PPA2: variants seen among roughly 807,000 people sequenced by gnomAD.
PPA2 encodes inorganic pyrophosphatase 2, mitochondrial.
PPA2 carries 48 observed loss-of-function variants against 49.5 expected under a neutral mutation model. That is an observed-to-expected ratio of 0.97 (90% CI 0.77 to 1.23). The LOEUF is 1.23. PPA2 is among the 50% of genes most tolerant of loss of function. The pLI, the probability that PPA2 is intolerant of heterozygous loss-of-function variation, is 0.00. For missense variants in PPA2, 429 were observed against 410.1 expected, an observed-to-expected ratio of 1.05 and a Z score of -0.40; for synonymous variants, 131 against 139.9, an observed-to-expected ratio of 0.94 and a Z score of 0.45.
rs1250196828 is a variant in PPA2, at chr4:105,376,466, A to C, written c.940-5593T>G. 2.0e-5 allele frequency among the ~76,000 whole-genome samples: 3 copies of C among 152,302 alleles called. No homozygotes were observed. The East Asian group carries it at 5.8e-4, about 29-fold the overall frequency. On this transcript the variant is annotated intron_variant, in intron 10 of 11. Coordinates refer to ENST00000341695, the MANE Select transcript of PPA2 (RefSeq NM_176869.3). ...TCCATTTAGCATCCTATGTACCATC[A>C]TCACTATCATCTCTGAGTCTTGTGT...
At chr4:105,420,832 G>A (rs1335728183) in intron 7 of PPA2, among the ~76,000 whole-genome samples, 1 of 152,166 alleles carries the variant, frequency 6.6e-6, no homozygotes, top group African/African-American at 2.4e-5. Context: ...AGGAGGTTCA[G>A]AGAACAGTCT....
intron 6 of PPA2, among the ~76,000 whole-genome samples, chr4:105,435,714 C>A (rs1050342063): frequency 6.6e-6 from 1 of 152,128 alleles, no homozygotes; most frequent in Admixed American, 6.5e-5. Flanking sequence ...ACCACATGAT[C>A]ATCTCAATAG....
intron 7 of PPA2, among the ~76,000 whole-genome samples, chr4:105,412,095 T>G (rs989456509): frequency 1.3e-5 from 2 of 152,156 alleles, no homozygotes; most frequent in Non-Finnish European, 2.9e-5. Flanking sequence ...AAAGCTACTT[T>G]AAAGTTCATA....
intron 5 of PPA2, among the ~76,000 whole-genome samples, chr4:105,438,671 T>C (rs191265326): frequency 3.7e-4 from 57 of 152,324 alleles, no homozygotes; most frequent in South Asian, 2.9e-3. Context: ...GGAATTTTTA[T>C]AAATGAAGAC....
At chr4:105,448,993 C>T (rs1437458914) in intron 4 of PPA2, among the ~76,000 whole-genome samples, 3 of 125,752 alleles carry the variant, frequency 2.4e-5, no homozygotes, top group Non-Finnish European at 3.2e-5. Flanking sequence ...CCGAGGCGGG[C>T]GGATCACGAG....
intron 3 of PPA2, among the ~76,000 whole-genome samples, chr4:105,450,859 G>A (rs947375059): frequency 5.9e-5 from 9 of 151,992 alleles, no homozygotes; most frequent in East Asian, 5.8e-4. Context: ...CGCCCACCTC[G>A]GCCTCCCAAA....
chr4:105,410,099 G>A (rs180909121), intron 7 of PPA2, among the ~76,000 whole-genome samples: 6 of 152,308 alleles, frequency 3.9e-5, no homozygotes, highest in African/African-American at 1.2e-4. Context: ...CAGAAGGTCA[G>A]TAACAACAAA....
chr4:105,387,776 G>GA (rs398107774), intron 9 of PPA2, among the ~76,000 whole-genome samples: 3 of 150,978 alleles, frequency 2.0e-5, no homozygotes, highest in East Asian at 3.9e-4. Flanking sequence ...AGTTGAGGGG[G>GA]AAAAAAAAGA....
intron 9 of PPA2, among the ~76,000 whole-genome samples, chr4:105,387,376 T>A (rs1046372559): frequency 2.0e-5 from 3 of 152,056 alleles, no homozygotes; most frequent in Non-Finnish European, 4.4e-5. Context: ...CTTTTTTAAA[T>A]AGAAGAAAAA....
intron 5 of PPA2, among the ~76,000 whole-genome samples, chr4:105,442,822 T>G (rs993234476): frequency 6.6e-6 from 1 of 152,246 alleles, no homozygotes; most frequent in Non-Finnish European, 1.5e-5. Flanking sequence ...AAGTACACAG[T>G]TGGCTCAGTA....
chr4:105,370,713 T>C (rs1157290148), intron 11 of PPA2, 124 bp downstream of exon 11: 16 of 1,175,708 alleles, frequency 1.4e-5, no homozygotes, highest in Non-Finnish European at 7.6e-6. Flanking sequence ...TTTAAAAATA[T>C]TTCACTTAGC....
intron 3 of PPA2, among the ~76,000 whole-genome samples, chr4:105,450,230 G>A (rs1197678773): frequency 6.6e-6 from 1 of 152,128 alleles, no homozygotes; most frequent in Non-Finnish European, 1.5e-5. Context: ...TTAAAACACT[G>A]TACTCCAAGT....
chr4:105,473,605 C>T, intron 1 of PPA2: 1 of 646,444 alleles, frequency 1.5e-6, no homozygotes, highest in Non-Finnish European at 2.9e-6. Context: ...CTGCCTACCC[C>T]TCGGGGAGGG....
At chr4:105,449,152 G>T (rs924892777) in intron 4 of PPA2, among the ~76,000 whole-genome samples, 198 bp downstream of exon 4, 1 of 119,794 alleles carries the variant, frequency 8.3e-6, no homozygotes, top group East Asian at 2.1e-4. Context: ...GGGAGGCGGA[G>T]CTTGCAGTGA....
At position 105,437,764 on chromosome 4, in the gene PPA2, T is replaced by C. The variant is rs918275194; in HGVS notation, c.528+186A>G. ...CAGGTGTTAGGCTGGCTTTGACTTG[T>C]TACAGGGCTATAATTTACCAACCCC... On this transcript the variant is annotated intron_variant, in intron 6 of 11. Transcript: ENST00000341695. Among the ~76,000 whole-genome samples the C allele has an allele frequency of 2.0e-5, 3 of 152,190 alleles. 1 individual carries two copies. Among genetic ancestry groups the C allele is most frequent in the Non-Finnish European group, 1.5e-5 (1 of 68,028 alleles).
At chr4:105,432,094 C>T (rs986969864) in intron 6 of PPA2, among the ~76,000 whole-genome samples, 1 of 152,064 alleles carries the variant, frequency 6.6e-6, no homozygotes, top group African/African-American at 2.4e-5. Context: ...GTGAATTGTA[C>T]CTCAATTTAA....
intron 5 of PPA2, among the ~76,000 whole-genome samples, chr4:105,439,629 G>GTAATAA (rs200030858): frequency 0.033 from 4,985 of 151,968 alleles, 269 homozygotes; most frequent in African/African-American, 0.11. Flanking sequence ...TGCAATAAAG[G>GTAATAA]TAATAAGAAT....
intron 6 of PPA2, among the ~76,000 whole-genome samples, chr4:105,430,783 A>G (rs1402121482): frequency 1.3e-5 from 2 of 152,240 alleles, no homozygotes; most frequent in Non-Finnish European, 2.9e-5. Flanking sequence ...AAGGAAAAAC[A>G]AATAGTGTAC....
intron 11 of PPA2, among the ~76,000 whole-genome samples, chr4:105,370,350 T>A (rs1213416723): frequency 6.6e-6 from 1 of 152,176 alleles, no homozygotes; most frequent in African/African-American, 2.4e-5. Flanking sequence ...TGTGTGCACA[T>A]GCTTAAATTC....
Sources: allele counts gnomAD v4.1 joint callset (sites outside exome capture counted in the v4.1 genomes callset), GRCh38; gene constraint gnomAD v4.1.1; transcripts MANE v1.5; gene names NCBI Gene and HGNC (gene_info 2026-07-23, HGNC 2026-07-21).